MYH4: variants seen among roughly 807,000 people sequenced by gnomAD.
MYH4 encodes the protein myosin-4.
In MYH4, 200 loss-of-function variants were observed where a neutral mutation model predicts 229.9. That is an observed-to-expected ratio of 0.87 (90% CI 0.78 to 0.98). MYH4 has a LOEUF of 0.98. Among genes scored for constraint, MYH4 ranks in the 50% least tolerant of loss-of-function variants. The probability of loss-of-function intolerance (pLI) is 0.00; values close to 1 mark genes in which losing one functional copy is unlikely to be tolerated. For missense variants in MYH4, 2,148 were observed against 2,332.6 expected (o/e 0.92, Z 1.63); for synonymous variants, 761 against 834.6 (o/e 0.91, Z 1.52).
At chr17:10,454,467 A>C (rs1363072340) in intron 22 of MYH4, 88 bp downstream of exon 22, 6 of 1,516,700 alleles carry the variant, frequency 4.0e-6, no homozygotes, top group Non-Finnish European at 4.4e-6. Flanking sequence ...AACAGCAAAC[A>C]ATCAGAACAA....
intron 4 of MYH4, among the ~76,000 whole-genome samples, 183 bp from the exon 5 acceptor site, chr17:10,465,781 T>TC (rs1416584672): frequency 5.6e-5 from 8 of 142,422 alleles, no homozygotes; most frequent in African/African-American, 1.6e-4. Context: ...TTTTTTTTTT[T>TC]TTTTTTTTTT....
chr17:10,451,326 C>T lies in MYH4; in HGVS notation c.3865G>A (p.Gly1289Ser), dbSNP rs372406999. ...AQKARLHTES[G>S]EFSRQLDEKD... The stretch of plus-strand genomic sequence containing the variant: ...AGGTTGATGCTATTTATTTACTGAC[C>T]TGATTCTGTGTGTAAACGTGCCTTC... Residue 1289 changes from glycine (G) to serine (S), a missense_variant and splice_region_variant, in exon 28 of 40, where the codon GGT (glycine) becomes AGT (serine). Physicochemically the swap from Gly to Ser is moderately conservative, Grantham distance 56 (BLOSUM62 0). Coordinates refer to ENST00000255381, the MANE Select transcript of MYH4 (RefSeq NM_017533.2). 37 of 1,613,458 alleles carry T rather than the reference C, an allele frequency of 2.3e-5. No individual in the cohort carries two copies. Among genetic ancestry groups the T allele is most frequent in the Admixed American group, 1.2e-4 (7 of 59,886 alleles).
chr17:10,468,721 G>T (rs555663843), intron 2 of MYH4, among the ~76,000 whole-genome samples: 8 of 152,298 alleles, frequency 5.3e-5, no homozygotes, highest in African/African-American at 1.9e-4. Context: ...GCAGTCAATA[G>T]AATCCAGCCT....
chr17:10,445,405 T>C (rs370397818), intron 35 of MYH4, 43 bp from the exon 36 acceptor site: 159 of 1,609,212 alleles, frequency 9.9e-5, no homozygotes, highest in Non-Finnish European at 1.3e-4. Flanking sequence ...CATTTACTTA[T>C]AACAACTCAC....
chr17:10,444,490 T>C, intron 39 of MYH4, 114 bp downstream of exon 39: 1 of 728,710 alleles, frequency 1.4e-6, no homozygotes, highest in Non-Finnish European at 2.3e-6. Flanking sequence ...TTCATGTTCA[T>C]ACCTAATTAT....
Position 10,447,126 on chromosome 17 carries a change from G to C in MYH4, c.5056C>G (p.Gln1686Glu), listed in dbSNP as rs1392085836. 4.3e-6 allele frequency: 7 copies of C among 1,614,082 alleles called. No individual in the cohort carries two copies. The highest frequency in any genetic ancestry group is 5.9e-6 in the Non-Finnish European group (7 of 1,179,998). ...AMVERRANLMQAEVEELRASL... is the reference protein window; with the variant it reads ...AMVERRANLMEAEVEELRASL... ...GCCCTGAGCTCTTCAACTTCAGCCT[G>C]CATCAGGTTAGCTCTGCGCTCAACC... The change falls in exon 35 of 40, where the codon CAG becomes GAG. Residue 1686 changes from glutamine (Q) to glutamate (E), a missense_variant. Transcript: ENST00000255381.
chr17:10,445,505 T>G lies in MYH4; in HGVS notation c.5170-143A>C, dbSNP rs190889997. ...ACCAAATTAGAAGATAATTCTAAGT[T>G]TATGCCTTTTCTCCTTTCTATATAT... On this transcript the variant is annotated intron_variant, in intron 35 of 39. Transcript: ENST00000255381. The G allele has an allele frequency of 2.5e-5, 28 of 1,142,432 alleles. No individual in the cohort carries two copies. In the African/African-American group the frequency reaches 3.4e-4, roughly 14 times the overall value. 70.8% of individuals were successfully genotyped at this position (1,142,432 alleles called of 1,614,324 possible).
chr17:10,459,467 T>C, intron 14 of MYH4, 46 bp from the exon 15 acceptor site: 1 of 1,614,122 alleles, frequency 6.2e-7, no homozygotes, highest in Non-Finnish European at 8.5e-7. Context: ...ACAAGTATTC[T>C]ATCTACAGAG....
Position 10,451,833 on chromosome 17 carries a change from C to A in MYH4, c.3738+108G>T, listed in dbSNP as rs558588620. 4.6e-4 allele frequency: 634 copies of A among 1,382,306 alleles called. 4 individuals carry two copies. In the African/African-American group the frequency reaches 8.3e-3, roughly 18 times the overall value. The allele number at this position is 1,382,306 out of a possible 1,614,324, so 85.6% of individuals were successfully genotyped here. A position where few individuals can be genotyped will look rare whatever the true frequency, so the allele number is the denominator to read the frequency against. On this transcript the variant is annotated intron_variant, in intron 27 of 39. Transcript: ENST00000255381. ...GTGTACTAGGAGTAAGTTTAAGCTT[C>A]AGATGCCATCTAATGTTTGTGTAAT...
intron 11 of MYH4, among the ~76,000 whole-genome samples, 193 bp downstream of exon 11, chr17:10,462,672 C>T (rs1289510174): frequency 3.3e-5 from 5 of 152,170 alleles, no homozygotes; most frequent in African/African-American, 9.7e-5. Flanking sequence ...TTATTACAGG[C>T]AGTGAAAGCT....
In MYH4 at chr17:10,453,889, A is replaced by G; in HGVS notation, c.2692-4T>C. The G allele has an allele frequency of 6.2e-7, 1 of 1,613,628 alleles. No individual in the cohort carries two copies. Among genetic ancestry groups the G allele is most frequent in the Non-Finnish European group, 8.5e-7 (1 of 1,179,778 alleles). ...CATCAGCCAAGGCATCTGCTTCCTAAAGGGAGAAATTAAGCATTTTCATTT... is the reference window on the plus strand; with the variant it reads ...CATCAGCCAAGGCATCTGCTTCCTAGAGGGAGAAATTAAGCATTTTCATTT... On this transcript the variant is annotated splice_polypyrimidine_tract_variant and splice_region_variant and intron_variant, in intron 22 of 39. Transcript: ENST00000255381.
At chr17:10,448,558 A>T in intron 32 of MYH4, 38 bp from the exon 33 acceptor site, 1 of 1,610,044 alleles carries the variant, frequency 6.2e-7, no homozygotes. Context: ...TTAAGTAGAA[A>T]GAAAAATTGA....
chr17:10,460,989 G>A lies in MYH4; in HGVS notation c.1074C>T (p.Ala358=). ...EKVAIYKLTG[A]VMHYGNMKFK... is the part of the protein sequence containing the mutation. ...ATTTCATGTTCCCATAATGCATCACGGCTCCAGTGAGCTTGTAAATGGCCA... is the reference window on the plus strand; with the variant it reads ...ATTTCATGTTCCCATAATGCATCACAGCTCCAGTGAGCTTGTAAATGGCCA... The change falls in exon 12 of 40, where the codon GCC becomes GCT. Residue 358 remains alanine, a synonymous_variant. Coordinates refer to ENST00000255381, the MANE Select transcript of MYH4 (RefSeq NM_017533.2). 1.2e-6 allele frequency: 2 copies of A among 1,613,906 alleles called. No individual in the cohort carries two copies. The highest frequency in any genetic ancestry group is 2.2e-5 in the East Asian group (1 of 44,862).
In MYH4 at chr17:10,457,459, G is replaced by A; in HGVS notation, c.1858C>T (p.Leu620=). 1 of 1,612,520 alleles carries A rather than the reference G, an allele frequency of 6.2e-7. No homozygotes were observed. Among genetic ancestry groups the A allele is most frequent in the Non-Finnish European group, 8.5e-7 (1 of 1,178,898 alleles). The stretch of plus-strand genomic sequence containing the variant: ...TGTGCCCCAGAGAAGAGGAAAGCCA[G>A]AGTCTTCATTGCAGACTTCTGGTAC... ...GLYQKSAMKT[L]AFLFSGAQTA... The change falls in exon 16 of 40, where the codon CTG becomes TTG. Residue 620 remains leucine (L), a synonymous_variant. Coordinates refer to ENST00000255381, the MANE Select transcript of MYH4 (RefSeq NM_017533.2).
At chr17:10,464,192 C>T (rs183603210) in intron 7 of MYH4, among the ~76,000 whole-genome samples, 1 of 152,082 alleles carries the variant, frequency 6.6e-6, no homozygotes, top group African/African-American at 2.4e-5. Context: ...TAGTAGTCTC[C>T]AGTGTCTATT....
intron 27 of MYH4, 43 bp downstream of exon 27, chr17:10,451,898 A>G (rs1200293835): frequency 1.3e-6 from 2 of 1,550,352 alleles, no homozygotes; most frequent in Non-Finnish European, 1.7e-6. Flanking sequence ...GTCATTTTGA[A>G]TTGTTGCAAA....
Position 10,451,998 on chromosome 17 carries a change from C to A in MYH4, c.3681G>T (p.Glu1227Asp), listed in dbSNP as rs200647917. 1.3e-5 allele frequency: 21 copies of A among 1,613,648 alleles called. No individual in the cohort carries two copies. The highest frequency in any genetic ancestry group is 3.3e-4 in the Middle Eastern group (2 of 6,078). The part of the protein sequence containing the change: ...VKQKLEKEKS[E>D]LKMEINDLAS... ...CAAGGTCATTGATCTCCATCTTCAG[C>A]TCACTCTTTTCCTTCTCCAGCTTCT... The change falls in exon 27 of 40, where the codon GAG (glutamate) becomes GAT (aspartate). Residue 1227 changes from glutamate (E) to aspartate (D), a missense_variant. Transcript: ENST00000255381.
rs772523383 is a variant in MYH4 at position 10,445,406 on chromosome 17, A to T, written c.5170-44T>A. Reference sequence around the variant, plus strand: ...AGAGAAGAGAAGCACATTTACTTATAACAACTCACATTGTCATTTTACCTA... The same window carrying T: ...AGAGAAGAGAAGCACATTTACTTATTACAACTCACATTGTCATTTTACCTA... On this transcript the variant is annotated intron_variant, in intron 35 of 39. Transcript: ENST00000255381. The T allele has an allele frequency of 5.6e-6, 9 of 1,609,018 alleles. No individual in the cohort carries two copies. In the South Asian group the frequency reaches 6.6e-5, roughly 12 times the overall value.
At chr17:10,462,843 C>A (rs1026941334) in intron 11 of MYH4, 22 bp downstream of exon 11, 16 of 1,580,596 alleles carry the variant, frequency 1.0e-5, no homozygotes, top group East Asian at 2.2e-5. Context: ...TTACTTTTTA[C>A]TACTTTGTAC....
Sources: allele counts gnomAD v4.1 joint callset (sites outside exome capture counted in the v4.1 genomes callset), GRCh38; gene constraint gnomAD v4.1.1; transcripts MANE v1.5; gene names NCBI Gene and HGNC (gene_info 2026-07-23, HGNC 2026-07-21).